The following CDH23 variants were observed in gnomAD, a reference collection of about 807,000 sequenced individuals.
The protein encoded by CDH23 is cadherin-23.
Under a neutral mutation model 317.1 loss-of-function variants are expected in CDH23, and 189 were observed. The ratio of observed to expected loss-of-function variants is 0.60; its 90% CI spans 0.53 to 0.67. CDH23 has a LOEUF of 0.67. Among genes scored for constraint, CDH23 ranks in the 30% least tolerant of loss-of-function variants. The pLI is 0.00. For synonymous variants in CDH23, 1,839 were observed against 1,876.8 expected (o/e 0.98, Z 0.52); for missense variants, 4,401 against 4,592.4 (o/e 0.96, Z 1.20).
In CDH23 at chr10:71,804,111, T is replaced by C. The variant is rs1161995965; in HGVS notation, c.7872+691T>C. 2.6e-5 allele frequency among the ~76,000 whole-genome samples: 4 copies of C among 152,160 alleles called. No individual in the cohort carries two copies. The East Asian group carries it at 7.7e-4, about 29-fold the overall frequency. On this transcript the variant is annotated intron_variant, in intron 55 of 69. Transcript: ENST00000224721. ...TATTTTTTCCTCTGCAAAACAGGAC[T>C]AATAAGTAAATACTCCATCTCTTGC...
At chr10:71,621,529 T>C (rs1404062096) in intron 11 of CDH23, among the ~76,000 whole-genome samples, 1 of 152,230 alleles carries the variant, frequency 6.6e-6, no homozygotes. Context: ...AGTTAATGCA[T>C]GGTTAAATGC....
chr10:71,680,810 C>CTTTTT (rs562449159), intron 17 of CDH23, among the ~76,000 whole-genome samples: 7 of 100,584 alleles, frequency 7.0e-5, no homozygotes, highest in South Asian at 3.9e-4. Flanking sequence ...CTCTGTCTTT[C>CTTTTT]TTTTTTTTTT....
intron 69 of CDH23, among the ~76,000 whole-genome samples, chr10:71,813,607 T>C (rs536813382): frequency 6.6e-6 from 1 of 152,242 alleles, no homozygotes; most frequent in South Asian, 2.1e-4. Flanking sequence ...TTGGGGGTGA[T>C]GTCACTTTAA....
intron 32 of CDH23, 154 bp downstream of exon 32, chr10:71,732,529 G>A (rs1033825703): frequency 5.8e-5 from 77 of 1,321,500 alleles, no homozygotes; most frequent in Non-Finnish European, 7.9e-5. Context: ...CTGCTTGAGA[G>A]GCTGGGGCAG....
intron 1 of CDH23, among the ~76,000 whole-genome samples, chr10:71,431,338 C>T (rs962975378): frequency 4.6e-5 from 7 of 152,194 alleles, no homozygotes; most frequent in African/African-American, 9.6e-5. Context: ...TTCATGGAAG[C>T]TTCTGGGAGG....
intron 2 of CDH23, among the ~76,000 whole-genome samples, chr10:71,440,198 G>A (rs1377105354): frequency 1.3e-5 from 2 of 152,186 alleles, no homozygotes; most frequent in African/African-American, 4.8e-5. Context: ...TCCTCCTCCT[G>A]GGGTGCAGGG....
At chr10:71,598,328 C>A (rs1747759644) in intron 9 of CDH23, among the ~76,000 whole-genome samples, 2 of 152,240 alleles carry the variant, frequency 1.3e-5, no homozygotes, top group Non-Finnish European at 2.9e-5. Context: ...GTGCCAAGAG[C>A]TTCCTCCACA....
chr10:71,622,254 A>G (rs1861501058), intron 11 of CDH23, among the ~76,000 whole-genome samples: 2 of 151,966 alleles, frequency 1.3e-5, no homozygotes, highest in African/African-American at 4.8e-5. Context: ...TGCCCCCAAC[A>G]TATTCTTTGT....
At chr10:71,613,584 T>C (rs146106889) in intron 9 of CDH23, among the ~76,000 whole-genome samples, 14 of 152,346 alleles carry the variant, frequency 9.2e-5, no homozygotes, top group Admixed American at 9.1e-4. Context: ...GCTGCCTTGC[T>C]GACCAGCACA....
chr10:71,607,069 C>T (rs558879022), intron 9 of CDH23, among the ~76,000 whole-genome samples: 3 of 152,320 alleles, frequency 2.0e-5, no homozygotes, highest in East Asian at 3.9e-4. Flanking sequence ...AGCTAAGTAA[C>T]GATTTTTAAT....
chr10:71,720,081 G>A (rs1866481236), intron 28 of CDH23, among the ~76,000 whole-genome samples: 1 of 152,222 alleles, frequency 6.6e-6, no homozygotes. Flanking sequence ...GTCGGCGGCA[G>A]CCAGAGGTTC....
At chr10:71,637,545 A>G (rs1219429222) in intron 11 of CDH23, among the ~76,000 whole-genome samples, 2 of 152,202 alleles carry the variant, frequency 1.3e-5, no homozygotes, top group Non-Finnish European at 1.5e-5. Flanking sequence ...GTGTATGCAA[A>G]AATCACACAG....
At chr10:71,448,898 G>C (rs1404830542) in intron 3 of CDH23, among the ~76,000 whole-genome samples, 1 of 152,202 alleles carries the variant, frequency 6.6e-6, no homozygotes, top group East Asian at 1.9e-4. Flanking sequence ...AGGGAGAGGG[G>C]GAGGTTGAAA....
At chr10:71,676,691 G>T (rs1021040125) in intron 15 of CDH23, among the ~76,000 whole-genome samples, 1 of 152,218 alleles carries the variant, frequency 6.6e-6, no homozygotes, top group Non-Finnish European at 1.5e-5. Context: ...AGTGATGGGG[G>T]TCTGAAATGG....
At chr10:71,714,326 C>G (rs1866117006) in intron 28 of CDH23, 1 of 152,182 alleles carries the variant, frequency 6.6e-6, no homozygotes, top group Non-Finnish European at 1.5e-5. Context: ...ACGCTTCACT[C>G]TGTACACAGA....
At position 71,409,712 on chromosome 10, in the gene CDH23, T is replaced by G. The variant is rs145607052; in HGVS notation, c.-6+12394T>G. Among the ~76,000 whole-genome samples, 838 of 152,252 alleles carry G rather than the reference T, an allele frequency of 5.5e-3. 11 individuals are homozygous for G. The highest frequency in any genetic ancestry group is 0.019 in the African/African-American group (788 of 41,546). ...TGAGGAGCTCCAAGACCCTCTTCCC[T>G]AGGACTAGAAAGGGACTTCTCTCCC... On this transcript the variant is annotated intron_variant, in intron 1 of 69. Transcript: ENST00000224721.
chr10:71,777,342 T>C (rs1021583267), intron 38 of CDH23, among the ~76,000 whole-genome samples: 2 of 152,198 alleles, frequency 1.3e-5, no homozygotes, highest in Non-Finnish European at 2.9e-5. Context: ...TCATCCCATA[T>C]GCCAGTCTTA....
intron 17 of CDH23, among the ~76,000 whole-genome samples, chr10:71,681,462 G>C (rs1589327281): frequency 1.3e-5 from 2 of 152,318 alleles, no homozygotes; most frequent in African/African-American, 4.8e-5. Flanking sequence ...CTGCCTCTCA[G>C]CCTGGGTCTG....
intron 47 of CDH23, 69 bp downstream of exon 47, chr10:71,791,404 T>C: frequency 7.2e-7 from 1 of 1,396,544 alleles, no homozygotes. Flanking sequence ...GACTGGAGCC[T>C]CAGGTTGGAC....
Sources: gnomAD v4.1 joint callset for allele counts (sites outside exome capture counted in the v4.1 genomes callset) on GRCh38, gnomAD v4.1.1 for gene constraint, MANE v1.5 for transcripts, NCBI Gene and HGNC (gene_info 2026-07-23, HGNC 2026-07-21) for gene names.